Variants in BLK observed in about 807,000 individuals in gnomAD.
BLK encodes tyrosine-protein kinase Blk.
A neutral mutation model predicts 61.8 loss-of-function variants in BLK; 64 were observed. That is an observed-to-expected ratio of 1.03 (90% CI 0.85 to 1.27). The LOEUF is 1.27. Among genes scored for constraint, BLK ranks in the 50% most tolerant of loss-of-function variants. The pLI is 0.00. For missense variants in BLK, 853 were observed against 660.5 expected (o/e 1.29, Z -3.19); for synonymous variants, 351 against 272.0 (o/e 1.29, Z -2.86).
intron 1 of BLK, among the ~76,000 whole-genome samples, chr8:11,504,989 T>C (rs7004924): frequency 6.6e-6 from 1 of 151,882 alleles, no homozygotes; most frequent in Non-Finnish European, 1.5e-5. Context: ...CACAGACACA[T>C]AGATACAGAC....
At chr8:11,553,650 G>C (rs186958301) in intron 6 of BLK, 1 of 178,040 alleles carries the variant, frequency 5.6e-6, no homozygotes, top group African/African-American at 2.4e-5. Flanking sequence ...CTTAGAGACT[G>C]GGGGCACAGC....
chr8:11,556,612 C>G (rs201226057), intron 8 of BLK, 46 bp from the exon 9 acceptor site: 1 of 1,613,038 alleles, frequency 6.2e-7, no homozygotes, highest in East Asian at 2.2e-5. Flanking sequence ...CACCTCCGAG[C>G]AAGCTCTCTG....
chr8:11,519,823 T>A (rs1351218678), intron 1 of BLK, among the ~76,000 whole-genome samples: 1 of 152,236 alleles, frequency 6.6e-6, no homozygotes, highest in East Asian at 1.9e-4. Context: ...TACTGTATGC[T>A]GATTTGAGTT....
intron 1 of BLK, among the ~76,000 whole-genome samples, chr8:11,511,864 A>C (rs1343867242): frequency 1.3e-5 from 2 of 152,232 alleles, no homozygotes; most frequent in African/African-American, 4.8e-5. Flanking sequence ...GGGAGTATGA[A>C]TGACATCTTT....
rs142623841 is a variant in BLK, at chr8:11,556,764, C to G, written c.879C>G (p.His293Gln). The change falls in exon 9 of 13, where the codon CAC becomes CAG. Residue 293 changes from histidine (H) to glutamine (Q), a missense_variant. Transcript: ENST00000259089. The part of the protein sequence containing the change: ...GEANVMKALQ[H>Q]ERLVRLYAVV... ...CCAACGTGATGAAGGCTCTGCAGCA[C>G]GAGCGGCTGGTCCGACTCTACGCAG... 3 of 1,614,212 alleles carry G rather than the reference C, an allele frequency of 1.9e-6. No homozygotes were observed. Among genetic ancestry groups the G allele is most frequent in the Non-Finnish European group, 2.5e-6 (3 of 1,180,044 alleles).
chr8:11,556,361 G>A, intron 8 of BLK: 1 of 455,296 alleles, frequency 2.2e-6, no homozygotes, highest in Non-Finnish European at 4.1e-6. Flanking sequence ...TGTAGGGGAG[G>A]GGTGGGGGAA....
At chr8:11,505,371 C>T (rs575563331) in intron 1 of BLK, among the ~76,000 whole-genome samples, 3 of 152,258 alleles carry the variant, frequency 2.0e-5, no homozygotes, top group South Asian at 2.1e-4. Context: ...AGGGAGACAG[C>T]ACCCGCTCCC....
At chr8:11,548,987 G>A in intron 4 of BLK, 37 bp from the exon 5 acceptor site, 1 of 1,560,492 alleles carries the variant, frequency 6.4e-7, no homozygotes, top group Non-Finnish European at 8.7e-7. Flanking sequence ...GCCTACAGGG[G>A]CCATGATCTC....
intron 5 of BLK, 117 bp from the exon 6 acceptor site, chr8:11,550,042 G>A (rs893499983): frequency 9.6e-6 from 9 of 938,666 alleles, no homozygotes; most frequent in East Asian, 2.5e-5. Flanking sequence ...GGCCGACTGG[G>A]ACCAGAAATG....
chr8:11,554,630 TGAA>T (rs1801101867), intron 6 of BLK, 110 bp from the exon 7 acceptor site: 1 of 1,312,822 alleles, frequency 7.6e-7, no homozygotes, highest in East Asian at 2.3e-5. Flanking sequence ...GTGCTGATAA[TGAA>T]GAACAGAATT....
At chr8:11,504,162 A>G (rs1050925251) in intron 1 of BLK, among the ~76,000 whole-genome samples, 2 of 152,168 alleles carry the variant, frequency 1.3e-5, no homozygotes, top group African/African-American at 4.8e-5. Flanking sequence ...TCTCTACTCA[A>G]AATGCAAAAA....
At chr8:11,504,716 G>A (rs1158961625) in intron 1 of BLK, among the ~76,000 whole-genome samples, 1 of 152,250 alleles carries the variant, frequency 6.6e-6, no homozygotes, top group Non-Finnish European at 1.5e-5. Context: ...CTAAGCGACT[G>A]AGGAGTGTGC....
intron 1 of BLK, among the ~76,000 whole-genome samples, chr8:11,517,617 A>T (rs1326794917): frequency 6.6e-6 from 1 of 152,184 alleles, no homozygotes; most frequent in Non-Finnish European, 1.5e-5. Flanking sequence ...AGCTTTTCTC[A>T]GGTGTGTGGG....
intron 1 of BLK, among the ~76,000 whole-genome samples, chr8:11,513,618 C>A (rs763066378): frequency 1.2e-4 from 19 of 152,202 alleles, no homozygotes; most frequent in Non-Finnish European, 1.9e-4. Flanking sequence ...GAGACAGAAG[C>A]AATGAGATGA....
At chr8:11,537,329 G>C (rs901690607) in intron 1 of BLK, among the ~76,000 whole-genome samples, 4 of 152,170 alleles carry the variant, frequency 2.6e-5, no homozygotes, top group Admixed American at 2.0e-4. Flanking sequence ...CCGGCAGCTA[G>C]CATGGCATTG....
At chr8:11,535,306 AAGAAAG>A (rs1800084299) in intron 1 of BLK, among the ~76,000 whole-genome samples, 2 of 145,888 alleles carry the variant, frequency 1.4e-5, no homozygotes, top group Admixed American at 1.3e-4. Flanking sequence ...GAAAGAAAGA[AAGAAAG>A]AAAGAAAGAA....
intron 10 of BLK, among the ~76,000 whole-genome samples, chr8:11,559,346 CACAA>C (rs1294893935): frequency 6.6e-6 from 1 of 151,826 alleles, no homozygotes; most frequent in Non-Finnish European, 1.5e-5. Flanking sequence ...CACGGACAAA[CACAA>C]ACACATACAC....
At chr8:11,528,714 A>T (rs1799773524) in intron 1 of BLK, among the ~76,000 whole-genome samples, 1 of 152,264 alleles carries the variant, frequency 6.6e-6, no homozygotes, top group Non-Finnish European at 1.5e-5. Flanking sequence ...TAACGAAAAC[A>T]TTGGTGCTCT....
intron 1 of BLK, among the ~76,000 whole-genome samples, chr8:11,504,367 GAAAGAAAAGA>G (rs55809628): frequency 3.4e-3 from 134 of 39,372 alleles, no homozygotes; most frequent in South Asian, 0.014. Flanking sequence ...AAGGAAGGAA[GAAAGAAAAGA>G]AAAGAAAAGA....
Sources: allele counts gnomAD v4.1 joint callset (sites outside exome capture counted in the v4.1 genomes callset), GRCh38; gene constraint gnomAD v4.1.1; transcripts MANE v1.5; gene names NCBI Gene and HGNC (gene_info 2026-07-23, HGNC 2026-07-21).